NRROS: variants seen among roughly 807,000 people sequenced by gnomAD.
The protein encoded by NRROS is transforming growth factor beta activator LRRC33.
In NRROS, 6 loss-of-function variants were observed where a neutral mutation model predicts 12.0. That is an observed-to-expected ratio of 0.50 (90% CI 0.27 to 0.98). The LOEUF is 0.98. NRROS is among the 50% of genes least tolerant of loss of function. NRROS has a pLI of 0.11. For missense variants in NRROS, 857 were observed against 888.2 expected (o/e 0.96, Z 0.45); for synonymous variants, 462 against 410.2 (o/e 1.13, Z -1.53).
At chr3:196,645,753 C>T (rs1214299861) in intron 1 of NRROS, among the ~76,000 whole-genome samples, 2 of 152,156 alleles carry the variant, frequency 1.3e-5, no homozygotes, top group East Asian at 3.8e-4. Context: ...GCCACTAAGC[C>T]GCTGTCATCA....
intron 1 of NRROS, among the ~76,000 whole-genome samples, chr3:196,649,479 CTTTT>C (rs113457429): frequency 6.7e-6 from 1 of 149,648 alleles, no homozygotes; most frequent in Non-Finnish European, 1.5e-5. Context: ...TTGTTTCTCT[CTTTT>C]TTTTTTGAGA....
Position 196,661,433 on chromosome 3 carries a change from A to G in NRROS, c.1790A>G (p.Asp597Gly), listed in dbSNP as rs1235909210. ...ATCTACCTCAGTCAGAATCCATATG[A>G]CTGCTGTGGGGTGGATGGCTGGGGG... is the stretch of plus-strand genomic sequence containing the variant. The part of the protein sequence containing the change: ...RTIYLSQNPY[D>G]CCGVDGWGAL... Residue 597 changes from aspartate to glycine, a missense_variant, in exon 3 of 3, where the codon GAC becomes GGC. Transcript: ENST00000328557. 2 of 1,585,336 alleles carry G rather than the reference A, an allele frequency of 1.3e-6. No individual in the cohort carries two copies. Among genetic ancestry groups the G allele is most frequent in the Non-Finnish European group, 1.7e-6 (2 of 1,163,266 alleles).
chr3:196,649,762 G>A (rs891856933), intron 1 of NRROS, among the ~76,000 whole-genome samples: 4 of 152,190 alleles, frequency 2.6e-5, no homozygotes, highest in African/African-American at 4.8e-5. Flanking sequence ...GAGCCACTGC[G>A]CCCGGCCAAA....
chr3:196,659,715 G>A (rs745645193), intron 2 of NRROS, 37 bp from the exon 3 acceptor site: 4 of 1,572,394 alleles, frequency 2.5e-6, no homozygotes, highest in Non-Finnish European at 3.5e-6. Flanking sequence ...TTGCCTCTGG[G>A]CCTCCTCGCT....
intron 2 of NRROS, among the ~76,000 whole-genome samples, chr3:196,659,432 G>A (rs1028561500): frequency 1.3e-4 from 20 of 151,064 alleles, no homozygotes; most frequent in Admixed American, 4.0e-4. Flanking sequence ...CTCAGCCTCC[G>A]GAGTAGCTGG....
Position 196,659,971 on chromosome 3 carries a change from C to G in NRROS, c.328C>G (p.Leu110Val), listed in dbSNP as rs754677371. ...AFQEQGHLRSLVLGDNCLSEN... is the reference protein window; with the variant it reads ...AFQEQGHLRSVVLGDNCLSEN... ...CCAGGAGCAAGGTCACCTGCGCAGC[C>G]TGGTCCTGGGGGACAACTGCCTCTC... Residue 110 changes from leucine to valine, a missense_variant, in exon 3 of 3, where the codon CTG (leucine) becomes GTG (valine). Physicochemically the swap from Leu to Val is conservative, Grantham distance 32. Coordinates refer to ENST00000328557, the MANE Select transcript of NRROS (RefSeq NM_198565.3). 2.5e-6 allele frequency: 4 copies of G among 1,613,888 alleles called. No individual in the cohort carries two copies. The South Asian group carries it at 4.4e-5, about 18-fold the overall frequency.
At chr3:196,643,033 A>G (rs970132665) in intron 1 of NRROS, among the ~76,000 whole-genome samples, 2 of 149,890 alleles carry the variant, frequency 1.3e-5, no homozygotes, top group African/African-American at 2.5e-5. Flanking sequence ...TGATTGTGCC[A>G]TTGCACTCCA....
Position 196,654,293 on chromosome 3 carries a change from G to A in NRROS, c.-13-234G>A, listed in dbSNP as rs139230591. 1.4e-3 allele frequency among the ~76,000 whole-genome samples: 208 copies of A among 152,296 alleles called. 1 individual carries two copies. Among genetic ancestry groups the A allele is most frequent in the African/African-American group, 4.7e-3 (197 of 41,558 alleles). ...GCTGAAGTTTAGTGTTCAGCCACCC[G>A]TCCATCAAGTGGTAGAGGCAAAATG... On this transcript the variant is annotated intron_variant, in intron 1 of 2. Transcript: ENST00000328557. The surrounding 1 kb of genome is among the most constrained non-coding windows in gnomAD (Gnocchi z 4.4).
In NRROS at chr3:196,649,223, G is replaced by A. The variant is rs532035109; in HGVS notation, c.-13-5304G>A. Among the ~76,000 whole-genome samples, 14 of 152,292 alleles carry A rather than the reference G, an allele frequency of 9.2e-5. No homozygotes were observed. In the South Asian group the frequency reaches 2.9e-3, roughly 32 times the overall value. On this transcript the variant is annotated intron_variant, in intron 1 of 2. Transcript: ENST00000328557. ...ACTGTTGGAAATGGTCACAGACTGG[G>A]GGTTGGTTTTGTTCTGTATCATCTG...
rs1276551178 is a variant in NRROS, at chr3:196,649,999, C to T, written c.-13-4528C>T. ...CAGTCAGGGGAGGTGGGGGTGGGGA[C>T]GGTAAGGTGTCCGAGCAGCTCCAAC... is the stretch of plus-strand genomic sequence containing the variant. On this transcript the variant is annotated intron_variant, in intron 1 of 2. Coordinates refer to ENST00000328557, the MANE Select transcript of NRROS (RefSeq NM_198565.3). Among the ~76,000 whole-genome samples the T allele has an allele frequency of 3.9e-5, 6 of 152,238 alleles. No individual in the cohort carries two copies. The East Asian group carries it at 9.6e-4, about 24-fold the overall frequency.
At chr3:196,658,296 A>G (rs1737580314) in intron 2 of NRROS, among the ~76,000 whole-genome samples, 2 of 152,358 alleles carry the variant, frequency 1.3e-5, no homozygotes, top group African/African-American at 4.8e-5. Context: ...ATATCTTACG[A>G]AAGATCCAGA....
At chr3:196,650,342 C>T (rs1737400289) in intron 1 of NRROS, among the ~76,000 whole-genome samples, 1 of 152,156 alleles carries the variant, frequency 6.6e-6, no homozygotes, top group Non-Finnish European at 1.5e-5. Flanking sequence ...CAGGGTTTCA[C>T]CAGGTTGGCC....
intron 1 of NRROS, among the ~76,000 whole-genome samples, chr3:196,644,548 C>G (rs192329944): frequency 6.6e-6 from 1 of 151,836 alleles, no homozygotes; most frequent in Non-Finnish European, 1.5e-5. Flanking sequence ...GAGGCCAGGG[C>G]GGGAGTTTGA....
At chr3:196,651,941 T>C (rs759875743) in intron 1 of NRROS, among the ~76,000 whole-genome samples, 9 of 152,138 alleles carry the variant, frequency 5.9e-5, no homozygotes, top group Non-Finnish European at 1.2e-4. Flanking sequence ...GTGTCTTCCA[T>C]TGACTAAACC....
At chr3:196,649,615 G>C (rs531244991) in intron 1 of NRROS, among the ~76,000 whole-genome samples, 1 of 152,272 alleles carries the variant, frequency 6.6e-6, no homozygotes, top group East Asian at 1.9e-4. Context: ...GGGACTACAG[G>C]CGCCCGCCAC....
At chr3:196,643,804 CCCTTGCAGTGTCTCCCCTCTGTGGT>C (rs1485510750) in intron 1 of NRROS, among the ~76,000 whole-genome samples, 1 of 152,252 alleles carries the variant, frequency 6.6e-6, no homozygotes, top group Non-Finnish European at 1.5e-5. Context: ...GTCTCTTCTA[CCCTTGCAGTGTCTCCCCTCTGTGGT>C]CCTCAGGCAC....
Position 196,660,505 on chromosome 3 carries a change from C to G in NRROS, c.862C>G (p.Arg288Gly). Residue 288 changes from arginine (R) to glycine (G), a missense_variant, in exon 3 of 3, where the codon CGG becomes GGG. Physicochemically the swap from Arg to Gly is moderately radical, Grantham distance 125. Coordinates refer to ENST00000328557, the MANE Select transcript of NRROS (RefSeq NM_198565.3). This position sits in a 1 kb window ranked among gnomAD's most constrained non-coding sequence, Gnocchi z 7.7. The stretch of plus-strand genomic sequence containing the variant: ...GCGCGACAACAACATGGGCTTCTAC[C>G]GGGACCTGTACAACACCTCGTCGCC... ...LLRDNNMGFY[R>G]DLYNTSSPRE... 6.2e-7 allele frequency: 1 copy of G among 1,614,112 alleles called. No individual in the cohort carries two copies.
chr3:196,652,891 T>C (rs1737457688), intron 1 of NRROS, among the ~76,000 whole-genome samples: 2 of 152,154 alleles, frequency 1.3e-5, no homozygotes, highest in South Asian at 4.1e-4. Context: ...GGTTCTTACC[T>C]CCCCATCTCC....
Position 196,661,226 on chromosome 3 carries a change from T to C in NRROS, c.1583T>C (p.Met528Thr), listed in dbSNP as rs1278659470. ...AACATGGGCCTCCACTCCAGCTTTA[T>C]GGCGTTGGACTTCTCTGGGTTTGGG... The part of the protein sequence containing the change: ...LRNMGLHSSF[M>T]ALDFSGFGNL... Residue 528 changes from methionine (M) to threonine (T), a missense_variant, in exon 3 of 3, where the codon ATG becomes ACG. Transcript: ENST00000328557. 1 of 1,613,976 alleles carries C rather than the reference T, an allele frequency of 6.2e-7. No individual in the cohort carries two copies. Among genetic ancestry groups the C allele is most frequent in the East Asian group, 2.2e-5 (1 of 44,870 alleles).
Sources: gnomAD v4.1 joint callset for allele counts (sites outside exome capture counted in the v4.1 genomes callset) on GRCh38, gnomAD v4.1.1 for gene constraint, Gnocchi (gnomAD v3.1) non-coding constraint, MANE v1.5 for transcripts, NCBI Gene and HGNC (gene_info 2026-07-23, HGNC 2026-07-21) for gene names.